CHIC1: variants seen among roughly 807,000 people sequenced by gnomAD.
CHIC1 encodes cysteine rich hydrophobic domain 1.
CHIC1 carries 7 observed loss-of-function variants against 18.5 expected under a neutral mutation model. The observed-to-expected ratio is 0.38, with a 90% CI of 0.22 to 0.71. The LOEUF (loss-of-function observed/expected upper bound fraction) is 0.71, where lower values mean the gene tolerates loss of function less well. Ranked by LOEUF, CHIC1 falls within the 30% of genes least tolerant of loss-of-function variation. CHIC1 has a pLI of 0.49. For synonymous variants in CHIC1, 77 were observed against 73.5 expected (o/e 1.05, Z -0.25); for missense variants, 159 against 176.9 (o/e 0.90, Z 0.57).
intron 3 of CHIC1, among the ~76,000 whole-genome samples, chrX:73,614,033 G>A (rs2057721311): frequency 8.9e-6 from 1 of 111,890 alleles, no homozygotes; most frequent in Non-Finnish European, 1.9e-5. Context: ...ACTCCCTTAA[G>A]CAGTTTTTGT....
At chrX:73,616,722 G>A (rs1268999847) in intron 3 of CHIC1, among the ~76,000 whole-genome samples, 2 of 111,921 alleles carry the variant, frequency 1.8e-5, no homozygotes, top group African/African-American at 3.2e-5. Context: ...CATGGCCCAA[G>A]CTGTACCTTG....
chrX:73,629,022 T>C (rs2057795946), intron 3 of CHIC1, among the ~76,000 whole-genome samples: 1 of 111,500 alleles, frequency 9.0e-6, no homozygotes, highest in African/African-American at 3.3e-5. Context: ...GGCATCCTAA[T>C]AGGTTTTAGG....
At chrX:73,656,250 T>G (rs1421911003) in intron 3 of CHIC1, among the ~76,000 whole-genome samples, 1 of 111,811 alleles carries the variant, frequency 8.9e-6, no homozygotes, top group Non-Finnish European at 1.9e-5. Context: ...TTCTGTAGAT[T>G]TTTTGTTCAC....
intron 3 of CHIC1, among the ~76,000 whole-genome samples, chrX:73,647,545 C>T (rs1315534060): frequency 8.9e-6 from 1 of 112,422 alleles, no homozygotes; most frequent in African/African-American, 3.2e-5. Context: ...GGCTGGATGA[C>T]TTGGTCCCAA....
At chrX:73,638,511 T>G (rs1015728478) in intron 3 of CHIC1, among the ~76,000 whole-genome samples, 5 of 111,438 alleles carry the variant, frequency 4.5e-5, no homozygotes, top group African/African-American at 1.3e-4. Context: ...CCCCCCATTT[T>G]GAAGATGTCT....
intron 3 of CHIC1, among the ~76,000 whole-genome samples, chrX:73,674,803 T>A (rs1275621823): frequency 9.3e-6 from 1 of 107,444 alleles, no homozygotes; most frequent in Non-Finnish European, 1.9e-5. Context: ...CTCTTGCTTT[T>A]CTAGTTCTTT....
rs769835661 is a variant in CHIC1 at position 73,684,295 on chromosome X, G to C, written c.*3290G>C. The C allele has an allele frequency of 9.0e-6, 1 of 111,083 alleles. No homozygotes were observed. The highest frequency in any genetic ancestry group is 3.7e-4 in the South Asian group (1 of 2,676). 9.2% of individuals were successfully genotyped at this position (111,083 alleles called of 1,213,427 possible). Reference sequence around the variant, plus strand: ...TAAAGCCCCACCAAAACCCATTTAAGTATTTAATGTACATACTATTCATAT... The same window carrying C: ...TAAAGCCCCACCAAAACCCATTTAACTATTTAATGTACATACTATTCATAT... On this transcript the variant is annotated 3_prime_UTR_variant, in exon 6 of 6. Coordinates refer to ENST00000373502, the MANE Select transcript of CHIC1 (RefSeq NM_001039840.4).
intron 3 of CHIC1, among the ~76,000 whole-genome samples, chrX:73,636,253 G>A: frequency 9.0e-6 from 1 of 111,398 alleles, no homozygotes. Flanking sequence ...TCCAAAGTGA[G>A]TCTTTATAGA....
At chrX:73,665,449 A>T (rs1280621687) in intron 3 of CHIC1, among the ~76,000 whole-genome samples, 3 of 111,458 alleles carry the variant, frequency 2.7e-5, no homozygotes, top group Non-Finnish European at 5.6e-5. Context: ...GGTTATGGGA[A>T]ACAAAAGTTT....
chrX:73,637,743 T>C (rs2057837713), intron 3 of CHIC1, among the ~76,000 whole-genome samples: 1 of 111,677 alleles, frequency 9.0e-6, no homozygotes, highest in African/African-American at 3.2e-5. Context: ...TAAATTTTAA[T>C]TTTATCATTT....
chrX:73,618,732 G>A (rs916662058), intron 3 of CHIC1, among the ~76,000 whole-genome samples: 6 of 112,248 alleles, frequency 5.3e-5, no homozygotes, highest in Non-Finnish European at 7.5e-5. Context: ...GGGCTTTCAG[G>A]TTTTATTCCT....
At chrX:73,572,721 CAT>C (rs1270768831) in intron 1 of CHIC1, among the ~76,000 whole-genome samples, 2 of 111,408 alleles carry the variant, frequency 1.8e-5, no homozygotes, top group African/African-American at 3.3e-5. Context: ...AGCATTTTTT[CAT>C]ATGTTTGTTG....
chrX:73,677,721 C>T (rs989460310), intron 3 of CHIC1, among the ~76,000 whole-genome samples: 3 of 112,303 alleles, frequency 2.7e-5, no homozygotes, highest in African/African-American at 9.7e-5. Flanking sequence ...CTTCGGCTCG[C>T]ACACGGTGCG....
At chrX:73,660,385 G>C (rs925008157) in intron 3 of CHIC1, among the ~76,000 whole-genome samples, 1 of 112,106 alleles carries the variant, frequency 8.9e-6, no homozygotes, top group African/African-American at 3.2e-5. Flanking sequence ...GGCTGGAAAG[G>C]GGGTGTCTGC....
intron 3 of CHIC1, among the ~76,000 whole-genome samples, chrX:73,636,803 A>T (rs980085513): frequency 3.6e-5 from 4 of 111,001 alleles, no homozygotes; most frequent in African/African-American, 6.5e-5. Flanking sequence ...ATTTATATAT[A>T]TATCTGTTCC....
At chrX:73,599,934 T>A (rs2057634722) in intron 3 of CHIC1, among the ~76,000 whole-genome samples, 1 of 96,968 alleles carries the variant, frequency 1.0e-5, no homozygotes. Context: ...AGTATGGCCA[T>A]TTTCACGATA....
chrX:73,581,227 T>A (rs1391130886), intron 2 of CHIC1, among the ~76,000 whole-genome samples: 1 of 110,870 alleles, frequency 9.0e-6, no homozygotes, highest in East Asian at 2.8e-4. Flanking sequence ...AGATCAGTCC[T>A]GCTGCGGTTT....
At chrX:73,625,108 A>AT (rs371290609) in intron 3 of CHIC1, among the ~76,000 whole-genome samples, 41 of 107,113 alleles carry the variant, frequency 3.8e-4, no homozygotes, top group Non-Finnish European at 3.7e-4. Flanking sequence ...ACACAAAAGA[A>AT]TTTTTTTTTT....
intron 3 of CHIC1, among the ~76,000 whole-genome samples, chrX:73,664,613 A>G (rs1264646884): frequency 9.0e-6 from 1 of 111,639 alleles, no homozygotes; most frequent in African/African-American, 3.3e-5. Context: ...GATAAATTCA[A>G]CAAATGGCTC....
Sources: allele counts gnomAD v4.1 joint callset (sites outside exome capture counted in the v4.1 genomes callset), GRCh38; gene constraint gnomAD v4.1.1; transcripts MANE v1.5; gene names NCBI Gene and HGNC (gene_info 2026-07-23, HGNC 2026-07-21).